The following ARHGAP21 variants were observed in gnomAD, a reference collection of about 807,000 sequenced individuals.
The protein encoded by ARHGAP21 is Rho GTPase activating protein 21.
A neutral mutation model predicts 164.6 loss-of-function variants in ARHGAP21; 38 were observed. That is an observed-to-expected ratio of 0.23 (90% CI 0.18 to 0.30). ARHGAP21 has a LOEUF of 0.30. Among genes scored for constraint, ARHGAP21 ranks in the 10% least tolerant of loss-of-function variants. ARHGAP21 has a pLI of 1.00. For synonymous variants in ARHGAP21, 766 were observed against 857.9 expected, an observed-to-expected ratio of 0.89 and a Z score of 1.87; for missense variants, 1,822 against 2,370.7, an observed-to-expected ratio of 0.77 and a Z score of 4.81.
intron 2 of ARHGAP21, among the ~76,000 whole-genome samples, chr10:24,721,105 T>C (rs993429662): frequency 6.6e-6 from 1 of 151,864 alleles, no homozygotes; most frequent in Non-Finnish European, 1.5e-5. Flanking sequence ...TGGAGTAAAA[T>C]CTCTGGGCCC....
chr10:24,614,855 T>C (rs1170885633), intron 9 of ARHGAP21, among the ~76,000 whole-genome samples: 1 of 151,238 alleles, frequency 6.6e-6, no homozygotes, highest in Non-Finnish European at 1.5e-5. Context: ...TAGCAATCTA[T>C]AAAGTGTGCT....
intron 4 of ARHGAP21, among the ~76,000 whole-genome samples, chr10:24,654,120 C>T (rs1304347518): frequency 6.6e-6 from 1 of 152,140 alleles, no homozygotes; most frequent in Non-Finnish European, 1.5e-5. Flanking sequence ...ATTGATGGGA[C>T]GTATCTCAAA....
chr10:24,594,828 G>GACTT (rs1266211559), intron 21 of ARHGAP21, 122 bp downstream of exon 21: 1 of 695,506 alleles, frequency 1.4e-6, no homozygotes, highest in Non-Finnish European at 2.2e-6. Flanking sequence ...TTTTAAGAAG[G>GACTT]ACTTACCCAG....
chr10:24,689,513 G>C (rs1382765714), intron 2 of ARHGAP21, among the ~76,000 whole-genome samples: 1 of 152,086 alleles, frequency 6.6e-6, no homozygotes, highest in East Asian at 1.9e-4. Flanking sequence ...GCCAAGGTGG[G>C]CGGATCGCCA....
At chr10:24,657,087 GC>G in intron 4 of ARHGAP21, among the ~76,000 whole-genome samples, 1 of 45,658 alleles carries the variant, frequency 2.2e-5, no homozygotes, top group South Asian at 1.1e-3. Context: ...TCAGCCCCCC[GC>G]CCGGCCAGCC....
chr10:24,611,381 G>T (rs980653827), intron 9 of ARHGAP21, among the ~76,000 whole-genome samples: 2 of 152,100 alleles, frequency 1.3e-5, no homozygotes, highest in African/African-American at 4.8e-5. Context: ...TGGAGAAAAA[G>T]AATCTGAGAA....
chr10:24,651,525 C>A lies in ARHGAP21; in HGVS notation c.268+15460G>T, dbSNP rs181399950. ...TGCTACTCAACACCAATTATCAGATCAAGGCCTGACTTTAGGTGAAGGCAA... is the reference window on the plus strand; with the variant it reads ...TGCTACTCAACACCAATTATCAGATAAAGGCCTGACTTTAGGTGAAGGCAA... On this transcript the variant is annotated intron_variant, in intron 4 of 25. Coordinates refer to ENST00000396432, the MANE Select transcript of ARHGAP21 (RefSeq NM_020824.4). Among the ~76,000 whole-genome samples the A allele has an allele frequency of 3.3e-5, 5 of 152,308 alleles. No homozygotes were observed. The East Asian group carries it at 7.7e-4, about 24-fold the overall frequency.
chr10:24,701,953 G>C (rs1032446099), intron 2 of ARHGAP21, among the ~76,000 whole-genome samples: 2 of 152,080 alleles, frequency 1.3e-5, no homozygotes, highest in African/African-American at 4.8e-5. Flanking sequence ...CATTGGACTT[G>C]AAGGAAACCA....
At chr10:24,591,803 T>C in intron 22 of ARHGAP21, 84 bp downstream of exon 22, 2 of 1,596,246 alleles carry the variant, frequency 1.3e-6, no homozygotes, top group Non-Finnish European at 1.7e-6. Flanking sequence ...CCAACCTCTG[T>C]CTGACCAAAT....
chr10:24,585,566 C>T lies in ARHGAP21; in HGVS notation c.4723G>A (p.Glu1575Lys), dbSNP rs373404445. The T allele has an allele frequency of 3.8e-5, 62 of 1,614,056 alleles. No individual in the cohort carries two copies. The highest frequency in any genetic ancestry group is 3.3e-4 in the East Asian group (15 of 44,892). Residue 1575 changes from glutamate (E) to lysine (K), a missense_variant, in exon 26 of 26, where the codon GAG (glutamate) becomes AAG (lysine). Glu to Lys is a moderately conservative substitution (Grantham distance 56). Transcript: ENST00000396432. ...KSTSPETKHS[E>K]FLANVSTITS... is the part of the protein sequence containing the mutation. The stretch of plus-strand genomic sequence containing the variant: ...ATGGTGCTGACGTTGGCCAAAAACT[C>T]GCTATGTTTCGTTTCTGGACTGGTT...
At chr10:24,702,550 C>T (rs180682155) in intron 2 of ARHGAP21, among the ~76,000 whole-genome samples, 2 of 151,718 alleles carry the variant, frequency 1.3e-5, no homozygotes, top group East Asian at 1.9e-4. Context: ...CTTCAGAATA[C>T]AAAAAATGTA....
At position 24,647,900 on chromosome 10, in the gene ARHGAP21, C is replaced by T. The variant is rs147581504; in HGVS notation, c.269-12797G>A. Among the ~76,000 whole-genome samples, 240 of 152,320 alleles carry T rather than the reference C, an allele frequency of 1.6e-3. 5 individuals carry two copies. The East Asian group carries it at 0.038, about 24-fold the overall frequency. ...TTCCCCAGGCTGGAGTGCAGTGACA[C>T]GATCTTGGCTCACTGCAACCTCTGC... On this transcript the variant is annotated intron_variant, in intron 4 of 25. Transcript: ENST00000396432.
chr10:24,692,373 C>G (rs1218044769), intron 2 of ARHGAP21, among the ~76,000 whole-genome samples: 3 of 152,184 alleles, frequency 2.0e-5, no homozygotes, highest in Admixed American at 2.0e-4. Context: ...AAAACTGGTA[C>G]AATTCTTCTT....
intron 2 of ARHGAP21, among the ~76,000 whole-genome samples, chr10:24,704,805 C>T (rs968924195): frequency 2.0e-5 from 3 of 151,974 alleles, no homozygotes; most frequent in African/African-American, 4.8e-5. Flanking sequence ...AGGGTTTCTC[C>T]ATGTTGGCCA....
chr10:24,720,985 A>G (rs1845865729), intron 2 of ARHGAP21, among the ~76,000 whole-genome samples: 1 of 138,932 alleles, frequency 7.2e-6, no homozygotes, highest in Admixed American at 7.0e-5. Context: ...TTCAATCTCC[A>G]AACACGAGGA....
intron 2 of ARHGAP21, among the ~76,000 whole-genome samples, chr10:24,710,584 T>C (rs981534766): frequency 5.8e-5 from 3 of 51,918 alleles, no homozygotes; most frequent in African/African-American, 2.9e-4. Flanking sequence ...ACTATGTCTG[T>C]ATTTTTATGC....
chr10:24,615,535 C>G (rs1194041149), intron 9 of ARHGAP21, among the ~76,000 whole-genome samples: 5 of 152,076 alleles, frequency 3.3e-5, no homozygotes, highest in Admixed American at 6.5e-5. Context: ...AAGTAAAATC[C>G]AAGATTTAAA....
intron 4 of ARHGAP21, among the ~76,000 whole-genome samples, chr10:24,651,833 A>G (rs1838198185): frequency 6.6e-6 from 1 of 152,242 alleles, no homozygotes; most frequent in Non-Finnish European, 1.5e-5. Context: ...CCAGTATTAT[A>G]AACAATATAA....
At chr10:24,642,897 T>A (rs1483266435) in intron 4 of ARHGAP21, among the ~76,000 whole-genome samples, 1 of 152,174 alleles carries the variant, frequency 6.6e-6, no homozygotes, top group Non-Finnish European at 1.5e-5. Flanking sequence ...AGATGCTCAA[T>A]AAATGTTTGC....
Sources: allele counts gnomAD v4.1 joint callset (sites outside exome capture counted in the v4.1 genomes callset), GRCh38; gene constraint gnomAD v4.1.1; transcripts MANE v1.5; gene names NCBI Gene and HGNC (gene_info 2026-07-23, HGNC 2026-07-21).